ZSWIM6: variants seen among roughly 807,000 people sequenced by gnomAD.
The protein encoded by ZSWIM6 is zinc finger SWIM-type containing 6.
Under a neutral mutation model 113.2 loss-of-function variants are expected in ZSWIM6, and 9 were observed. That is an observed-to-expected ratio of 0.08 (90% confidence interval 0.05 to 0.14). ZSWIM6 has a LOEUF of 0.14. ZSWIM6 is among the 10% of genes least tolerant of loss of function. The probability of loss-of-function intolerance (pLI) is 1.00; values close to 1 mark genes in which losing one functional copy is unlikely to be tolerated. For missense variants in ZSWIM6, 1,162 were observed against 1,552.2 expected, an observed-to-expected ratio of 0.75 and a Z score of 4.22; for synonymous variants, 611 against 606.5, an observed-to-expected ratio of 1.01 and a Z score of -0.11.
intron 1 of ZSWIM6, among the ~76,000 whole-genome samples, chr5:61,438,347 C>T (rs575247422): frequency 2.2e-4 from 34 of 152,302 alleles, no homozygotes; most frequent in African/African-American, 8.2e-4. Context: ...GCTTTCTTCC[C>T]CCACCTCATG....
chr5:61,415,032 C>A (rs1422953286), intron 1 of ZSWIM6, among the ~76,000 whole-genome samples: 1 of 152,154 alleles, frequency 6.6e-6, no homozygotes, highest in Admixed American at 6.5e-5. Context: ...TTAGTACTTG[C>A]TCGAGGATAC....
chr5:61,471,893 G>A (rs1233553572), intron 1 of ZSWIM6, among the ~76,000 whole-genome samples: 2 of 151,878 alleles, frequency 1.3e-5, no homozygotes, highest in African/African-American at 4.8e-5. Flanking sequence ...GGCCTTTTAA[G>A]GCTTTTTCCA....
intron 1 of ZSWIM6, among the ~76,000 whole-genome samples, chr5:61,460,886 T>C (rs1009179250): frequency 6.6e-6 from 1 of 152,030 alleles, no homozygotes; most frequent in African/African-American, 2.4e-5. Context: ...TTATTTATTC[T>C]ATATTTTTAT....
At chr5:61,537,815 G>A (rs890269092) in intron 10 of ZSWIM6, among the ~76,000 whole-genome samples, 2 of 152,186 alleles carry the variant, frequency 1.3e-5, no homozygotes, top group African/African-American at 4.8e-5. Context: ...TTGACTGAAG[G>A]CCGGCATTTT....
chr5:61,398,472 G>C (rs1203691463), intron 1 of ZSWIM6, among the ~76,000 whole-genome samples: 1 of 152,106 alleles, frequency 6.6e-6, no homozygotes, highest in East Asian at 1.9e-4. Flanking sequence ...CGCCTTTATA[G>C]CATCAGCTCT....
intron 1 of ZSWIM6, among the ~76,000 whole-genome samples, chr5:61,461,489 G>T (rs1197372269): frequency 6.6e-6 from 1 of 152,224 alleles, no homozygotes; most frequent in Non-Finnish European, 1.5e-5. Context: ...TCTTACTTTT[G>T]AGTTGTGTAG....
chr5:61,543,580 C>T lies in ZSWIM6; in HGVS notation c.2911C>T (p.His971Tyr). Reference sequence around the variant, plus strand: ...CATCGTCCGCCTCCACCTGGACTGCCACCAGCAGGAAAAGCTGGCCAGCAG... The same window carrying T: ...CATCGTCCGCCTCCACCTGGACTGCTACCAGCAGGAAAAGCTGGCCAGCAG... ...STIVRLHLDC[H>Y]QQEKLASSAR... is the part of the protein sequence containing the mutation. The change falls in exon 14 of 14, where the codon CAC (histidine) becomes TAC (tyrosine). Residue 971 changes from histidine to tyrosine, a missense_variant. This residue lies in a region of ZSWIM6 where 620 missense variants were observed against 804.6 expected (regional missense o/e 0.77). Coordinates refer to ENST00000252744, the MANE Select transcript of ZSWIM6 (RefSeq NM_020928.2). The surrounding 1 kb of genome is among the most constrained non-coding windows in gnomAD (Gnocchi z 4.3). The T allele has an allele frequency of 6.4e-7, 1 of 1,551,764 alleles. No homozygotes were observed. Among genetic ancestry groups the T allele is most frequent in the South Asian group, 1.2e-5 (1 of 84,064 alleles).
intron 1 of ZSWIM6, among the ~76,000 whole-genome samples, chr5:61,468,530 C>T (rs1747488902): frequency 6.6e-6 from 1 of 152,176 alleles, no homozygotes; most frequent in Non-Finnish European, 1.5e-5. Flanking sequence ...TTATATAGAA[C>T]AGCTAACTAT....
intron 1 of ZSWIM6, among the ~76,000 whole-genome samples, chr5:61,412,506 T>G (rs1746166486): frequency 6.6e-6 from 1 of 152,238 alleles, no homozygotes; most frequent in Admixed American, 6.5e-5. Context: ...GCAGCACATT[T>G]GTGTCTTAGG....
chr5:61,347,782 G>C (rs1163661374), intron 1 of ZSWIM6: 1 of 152,204 alleles, frequency 6.6e-6, no homozygotes, highest in Non-Finnish European at 1.5e-5. Context: ...GAGTTTTGAA[G>C]ATAAGTTTTC....
chr5:61,461,820 A>T (rs1747329685), intron 1 of ZSWIM6, among the ~76,000 whole-genome samples: 1 of 152,212 alleles, frequency 6.6e-6, no homozygotes, highest in South Asian at 2.1e-4. Context: ...CAAGGAAAAT[A>T]AAATATTACC....
At chr5:61,492,615 C>T (rs1180643720) in intron 3 of ZSWIM6, among the ~76,000 whole-genome samples, 1 of 152,100 alleles carries the variant, frequency 6.6e-6, no homozygotes, top group Non-Finnish European at 1.5e-5. Context: ...AATGGCAACT[C>T]CTTTTCTTCC....
intron 1 of ZSWIM6, among the ~76,000 whole-genome samples, chr5:61,402,383 A>C (rs965924253): frequency 2.6e-5 from 4 of 152,280 alleles, no homozygotes; most frequent in Admixed American, 1.3e-4. Flanking sequence ...ACTACAATGG[A>C]ATTTTGCCAT....
At chr5:61,452,953 C>A (rs1221340130) in intron 1 of ZSWIM6, among the ~76,000 whole-genome samples, 1 of 152,148 alleles carries the variant, frequency 6.6e-6, no homozygotes, top group Non-Finnish European at 1.5e-5. Context: ...TAGAAGGACC[C>A]TCAATTTGAG....
intron 10 of ZSWIM6, among the ~76,000 whole-genome samples, chr5:61,536,114 C>T (rs1335267328): frequency 6.6e-6 from 1 of 152,198 alleles, no homozygotes; most frequent in African/African-American, 2.4e-5. Context: ...GAAGGTGGGA[C>T]GTGCATTTAG....
At chr5:61,453,115 G>A (rs893456297) in intron 1 of ZSWIM6, among the ~76,000 whole-genome samples, 2 of 152,130 alleles carry the variant, frequency 1.3e-5, no homozygotes, top group Non-Finnish European at 2.9e-5. Flanking sequence ...TTAATCACTG[G>A]CTCATTTAAG....
chr5:61,437,892 A>G (rs1746743387), intron 1 of ZSWIM6, among the ~76,000 whole-genome samples: 1 of 152,062 alleles, frequency 6.6e-6, no homozygotes, highest in Non-Finnish European at 1.5e-5. Flanking sequence ...AGTTCAAACT[A>G]TTGTGCCAAT....
chr5:61,539,045 A>T, intron 11 of ZSWIM6, 74 bp downstream of exon 11: 1 of 1,419,078 alleles, frequency 7.0e-7, no homozygotes, highest in Non-Finnish European at 9.3e-7. Context: ...CTTGTTTTCT[A>T]TCAAATTCTC....
chr5:61,463,762 G>A (rs1747366344), intron 1 of ZSWIM6, among the ~76,000 whole-genome samples: 1 of 152,156 alleles, frequency 6.6e-6, no homozygotes, highest in South Asian at 2.1e-4. Flanking sequence ...CCTGGGCTTG[G>A]GGCCAGAGCA....
Sources: allele counts gnomAD v4.1 joint callset (sites outside exome capture counted in the v4.1 genomes callset), GRCh38; gene constraint gnomAD v4.1.1; regional missense constraint gnomAD v4.1.1; non-coding constraint Gnocchi (gnomAD v3.1); transcripts MANE v1.5; gene names NCBI Gene and HGNC (gene_info 2026-07-23, HGNC 2026-07-21).